The following EXOC2 variants were observed in gnomAD, a reference collection of about 807,000 sequenced individuals.
EXOC2 encodes SEC5-like 1.
In EXOC2, 70 loss-of-function variants were observed where a neutral mutation model predicts 131.8. The observed-to-expected ratio is 0.53, with a 90% CI of 0.44 to 0.65. EXOC2 has a LOEUF of 0.65. EXOC2 is among the 30% of genes least tolerant of loss of function. EXOC2 has a pLI of 0.00. For synonymous variants in EXOC2, 411 were observed against 398.4 expected (o/e 1.03, Z -0.38); for missense variants, 923 against 1,108.6 (o/e 0.83, Z 2.38).
intron 7 of EXOC2, among the ~76,000 whole-genome samples, chr6:606,977 C>T (rs1265783643): frequency 6.6e-6 from 1 of 152,220 alleles, no homozygotes. Flanking sequence ...CAACTGCACA[C>T]TTTGCTGTCT....
At chr6:507,115 A>T (rs1486990662) in intron 23 of EXOC2, among the ~76,000 whole-genome samples, 1 of 122,610 alleles carries the variant, frequency 8.2e-6, no homozygotes, top group Non-Finnish European at 1.7e-5. Context: ...CACAGCAGTG[A>T]CTACACACAT....
intron 1 of EXOC2, among the ~76,000 whole-genome samples, chr6:660,087 C>T (rs1333938779): frequency 6.6e-6 from 1 of 151,750 alleles, no homozygotes; most frequent in Non-Finnish European, 1.5e-5. Context: ...AGACTTTCCC[C>T]CACTTCCCTG....
intron 1 of EXOC2, among the ~76,000 whole-genome samples, chr6:643,567 GA>G (rs1304811637): frequency 6.6e-6 from 1 of 151,216 alleles, no homozygotes; most frequent in Non-Finnish European, 1.5e-5. Context: ...TAAAATCTTA[GA>G]GAAAAAATAT....
intron 23 of EXOC2, 141 bp downstream of exon 23, chr6:532,328 G>T: frequency 1.1e-6 from 1 of 940,524 alleles, no homozygotes; most frequent in South Asian, 3.5e-5. Context: ...ATGGGTTTAA[G>T]CAAACAAAAA....
At chr6:582,593 G>A (rs539299152) in intron 11 of EXOC2, among the ~76,000 whole-genome samples, 21 of 134,600 alleles carry the variant, frequency 1.6e-4, no homozygotes, top group South Asian at 8.5e-4. Context: ...CCTTTCAAGC[G>A]CACCACACAC....
chr6:549,716 T>C (rs1581416536), intron 21 of EXOC2, among the ~76,000 whole-genome samples: 1 of 152,372 alleles, frequency 6.6e-6, no homozygotes, highest in East Asian at 1.9e-4. Context: ...GAAACTATTA[T>C]AAAGTAGTTT....
At chr6:559,213 G>C (rs1430204855) in intron 17 of EXOC2, among the ~76,000 whole-genome samples, 2 of 152,286 alleles carry the variant, frequency 1.3e-5, no homozygotes, top group South Asian at 4.1e-4. Flanking sequence ...GGATGCTTTC[G>C]AGTGAGCTGT....
chr6:561,816 T>C (rs1276878348), intron 17 of EXOC2, among the ~76,000 whole-genome samples: 1 of 152,130 alleles, frequency 6.6e-6, no homozygotes, highest in Non-Finnish European at 1.5e-5. Context: ...GCTCTTGACC[T>C]CATGATCCGC....
intron 23 of EXOC2, among the ~76,000 whole-genome samples, chr6:531,844 C>T (rs1047171244): frequency 6.6e-6 from 1 of 152,166 alleles, no homozygotes; most frequent in African/African-American, 2.4e-5. Context: ...TTATTTCATA[C>T]AAAGAAACAA....
chr6:689,072 C>CA (rs1764797286), intron 1 of EXOC2: 1 of 152,216 alleles, frequency 6.6e-6, no homozygotes, highest in Non-Finnish European at 1.5e-5. Flanking sequence ...CTGCACTTGT[C>CA]ACTGAGTGCT....
intron 17 of EXOC2, among the ~76,000 whole-genome samples, chr6:559,901 CT>C (rs921254728): frequency 6.6e-6 from 1 of 152,192 alleles, no homozygotes; most frequent in African/African-American, 2.4e-5. Flanking sequence ...ACTCTGCCTT[CT>C]CAAACTGAAC....
chr6:685,880 T>A (rs1046308438), intron 1 of EXOC2, among the ~76,000 whole-genome samples: 1,704 of 147,836 alleles, frequency 0.012, 56 homozygotes, highest in African/African-American at 0.041. Context: ...TTTTTTTTTT[T>A]TTTTTTTTTT....
At chr6:665,417 G>A (rs1264042107) in intron 1 of EXOC2, among the ~76,000 whole-genome samples, 1 of 152,172 alleles carries the variant, frequency 6.6e-6, no homozygotes, top group Non-Finnish European at 1.5e-5. Flanking sequence ...ATTTGATCAA[G>A]CAATCCCACT....
rs77182800 is a variant in EXOC2, at chr6:689,373, C to A, written c.-44+3646G>T. On this transcript the variant is annotated intron_variant, in intron 1 of 27. Transcript: ENST00000230449. ...AATAAAACTTTCCAGGAAAAACAAA[C>A]AACAAAAAAGAACTGTCTAACAAAT... Among the ~76,000 whole-genome samples the A allele has an allele frequency of 0.014, 2,174 of 152,254 alleles. 77 individuals carry two copies. In the East Asian group the frequency reaches 0.17, roughly 12 times the overall value.
intron 23 of EXOC2, among the ~76,000 whole-genome samples, chr6:526,205 A>G (rs1273252882): frequency 6.6e-6 from 1 of 152,200 alleles, no homozygotes; most frequent in Non-Finnish European, 1.5e-5. Context: ...ATGACGGAAT[A>G]GTTTTTTTCT....
Position 620,922 on chromosome 6 carries a change from C to T in EXOC2, c.423-1379G>A, listed in dbSNP as rs555732323. ...CTGTGCTCTCTGCCTGCCAGGTATTCGAACCTACTTGAGTCTTGGGGGCAT... is the reference window on the plus strand; with the variant it reads ...CTGTGCTCTCTGCCTGCCAGGTATTTGAACCTACTTGAGTCTTGGGGGCAT... On this transcript the variant is annotated intron_variant, in intron 4 of 27. Transcript: ENST00000230449. Among the ~76,000 whole-genome samples the T allele has an allele frequency of 5.9e-5, 9 of 152,226 alleles. No individual in the cohort carries two copies. The South Asian group carries it at 1.9e-3, about 32-fold the overall frequency.
chr6:598,446 G>A (rs537478976), intron 9 of EXOC2, among the ~76,000 whole-genome samples: 2 of 152,288 alleles, frequency 1.3e-5, no homozygotes, highest in African/African-American at 4.8e-5. Context: ...CTGGTGGACT[G>A]TAACTCTGGC....
intron 1 of EXOC2, among the ~76,000 whole-genome samples, chr6:644,299 A>C (rs951735564): frequency 6.6e-5 from 10 of 152,092 alleles, no homozygotes; most frequent in African/African-American, 2.4e-4. Context: ...CATGATTAAA[A>C]ACTATTCATG....
intron 11 of EXOC2, among the ~76,000 whole-genome samples, chr6:577,973 T>C (rs1342604501): frequency 6.6e-6 from 1 of 152,216 alleles, no homozygotes; most frequent in Non-Finnish European, 1.5e-5. Context: ...AATTTATGTA[T>C]ATAATTTAAT....
Sources: allele counts gnomAD v4.1 joint callset (sites outside exome capture counted in the v4.1 genomes callset), GRCh38; gene constraint gnomAD v4.1.1; transcripts MANE v1.5; gene names NCBI Gene and HGNC (gene_info 2026-07-23, HGNC 2026-07-21).